The following EPHA8 variants were observed in gnomAD, a reference collection of about 807,000 sequenced individuals.
The protein encoded by EPHA8 is ephrin type-A receptor 8.
In EPHA8, 58 loss-of-function variants were observed where a neutral mutation model predicts 103.6. The ratio of observed to expected loss-of-function variants is 0.56; its 90% CI spans 0.45 to 0.70. The LOEUF (loss-of-function observed/expected upper bound fraction) is 0.70. Ranked by LOEUF, EPHA8 falls within the 30% of genes least tolerant of loss-of-function variation. The pLI is 0.00. For synonymous variants in EPHA8, 559 were observed against 572.5 expected, an observed-to-expected ratio of 0.98 and a Z score of 0.34; for missense variants, 1,304 against 1,395.2, an observed-to-expected ratio of 0.93 and a Z score of 1.04.
chr1:22,586,780 T>TGGGGGGG, intron 4 of EPHA8, 145 bp downstream of exon 4: 1 of 923,622 alleles, frequency 1.1e-6, no homozygotes, highest in African/African-American at 1.8e-5. Flanking sequence ...CAGTCTGAGG[T>TGGGGGGG]GGGGGGGGTG....
chr1:22,598,584 G>A lies in EPHA8; in HGVS notation c.2179-254G>A, dbSNP rs530669272. ...CTTAGGCACAGAGCTTAACCTCTCTGGGCCTCCATCTCTCGTTCCACAAAA... is the reference window on the plus strand; with the variant it reads ...CTTAGGCACAGAGCTTAACCTCTCTAGGCCTCCATCTCTCGTTCCACAAAA... On this transcript the variant is annotated intron_variant, in intron 12 of 16. Coordinates refer to ENST00000166244, the MANE Select transcript of EPHA8 (RefSeq NM_020526.5). The surrounding 1 kb of genome is among the most constrained non-coding windows in gnomAD (Gnocchi z 5.1). Among the ~76,000 whole-genome samples the A allele has an allele frequency of 6.6e-6, 1 of 152,078 alleles. No individual in the cohort carries two copies. Among genetic ancestry groups the A allele is most frequent in the Non-Finnish European group, 1.5e-5 (1 of 68,018 alleles).
Position 22,563,582 on chromosome 1 carries a change from A to C in EPHA8, c.-54A>C, listed in dbSNP as rs209737. ...CGCTCCCTCCCGACGCGCGGGCCGC[A>C]GCGGCCAAGCCCGAGGGTGCGTGGC... On this transcript the variant is annotated 5_prime_UTR_variant, in exon 1 of 17. Coordinates refer to ENST00000166244, the MANE Select transcript of EPHA8 (RefSeq NM_020526.5). The surrounding 1 kb of genome is among the most constrained non-coding windows in gnomAD (Gnocchi z 4.4). The C allele has an allele frequency of 0.35, 50,552 of 145,322 alleles. 10,515 individuals carry two copies. Among genetic ancestry groups the C allele is most frequent in the African/African-American group, 0.59 (23,878 of 40,276 alleles). The allele number at this position is 145,322 out of a possible 1,614,324, so 9.0% of individuals were successfully genotyped here.
intron 4 of EPHA8, among the ~76,000 whole-genome samples, chr1:22,586,842 C>G (rs1641226096): frequency 6.6e-6 from 1 of 152,168 alleles, no homozygotes; most frequent in Admixed American, 6.5e-5. Flanking sequence ...CAGCCTCTGT[C>G]CTGTGTCACC....
At chr1:22,581,252 T>C (rs1340579571) in intron 3 of EPHA8, among the ~76,000 whole-genome samples, 1 of 152,168 alleles carries the variant, frequency 6.6e-6, no homozygotes, top group African/African-American at 2.4e-5. Flanking sequence ...ACTTCCCTCC[T>C]CCCTGGGGTA....
chr1:22,565,540 C>A (rs1356007683), intron 1 of EPHA8, among the ~76,000 whole-genome samples: 1 of 152,156 alleles, frequency 6.6e-6, no homozygotes, highest in African/African-American at 2.4e-5. Context: ...GGCTCTGAGG[C>A]CCCTCCATCG....
At chr1:22,578,493 T>A (rs375585746) in intron 3 of EPHA8, among the ~76,000 whole-genome samples, 3 of 135,554 alleles carry the variant, frequency 2.2e-5, no homozygotes, top group South Asian at 5.0e-4. Context: ...TGTGTGCATG[T>A]GTGCATGAGT....
intron 1 of EPHA8, among the ~76,000 whole-genome samples, chr1:22,566,069 G>A (rs1420369399): frequency 6.6e-6 from 1 of 152,230 alleles, no homozygotes; most frequent in African/African-American, 2.4e-5. Flanking sequence ...CAGGACCTTA[G>A]CCTGGCCAAA....
intron 1 of EPHA8, among the ~76,000 whole-genome samples, chr1:22,564,174 A>T (rs1312259831): frequency 8.1e-6 from 1 of 123,468 alleles, no homozygotes; most frequent in African/African-American, 3.2e-5. Flanking sequence ...ATGGGGGAGG[A>T]GGTTCAGAGG....
rs1641556470 is a variant in EPHA8 at position 22,597,590 on chromosome 1, C to T, written c.1931-86C>T. 1 of 1,550,910 alleles carries T rather than the reference C, an allele frequency of 6.4e-7. No individual in the cohort carries two copies. The highest frequency in any genetic ancestry group is 1.4e-5 in the African/African-American group (1 of 73,458). ...CGTGTGACCCAGGGGTCTGGCAAGCCCAGGGGGTCCAAGGGCCTGGGAGGC... is the reference window on the plus strand; with the variant it reads ...CGTGTGACCCAGGGGTCTGGCAAGCTCAGGGGGTCCAAGGGCCTGGGAGGC... On this transcript the variant is annotated intron_variant, in intron 10 of 16. Coordinates refer to ENST00000166244, the MANE Select transcript of EPHA8 (RefSeq NM_020526.5). The surrounding 1 kb of genome is among the most constrained non-coding windows in gnomAD (Gnocchi z 4.6).
Position 22,598,804 on chromosome 1 carries a change from G to A in EPHA8, c.2179-34G>A. ...GTTCACGGACCAGGCGCCTCGCCGGGCTTTCCTGAAGTCCAAGCCATGTCC... is the reference window on the plus strand; with the variant it reads ...GTTCACGGACCAGGCGCCTCGCCGGACTTTCCTGAAGTCCAAGCCATGTCC... On this transcript the variant is annotated intron_variant, in intron 12 of 16. Transcript: ENST00000166244. The surrounding 1 kb of genome is among the most constrained non-coding windows in gnomAD (Gnocchi z 5.1). The A allele has an allele frequency of 6.2e-7, 1 of 1,601,334 alleles. No homozygotes were observed. The highest frequency in any genetic ancestry group is 8.5e-7 in the Non-Finnish European group (1 of 1,171,976).
Position 22,576,128 on chromosome 1 carries a change from C to T in EPHA8, c.160-89C>T, listed in dbSNP as rs752987309. The T allele has an allele frequency of 8.3e-6, 12 of 1,448,598 alleles. No homozygotes were observed. The highest frequency in any genetic ancestry group is 1.1e-5 in the Non-Finnish European group (12 of 1,077,090). 89.7% of individuals were successfully genotyped at this position (1,448,598 alleles called of 1,614,324 possible). ...CCAGCTCCTTTGTCTTTTTTTTTGC[C>T]AGCGTCCCCAGCACAGAACACAGGG... On this transcript the variant is annotated intron_variant, in intron 2 of 16. Transcript: ENST00000166244. This position sits in a 1 kb window ranked among gnomAD's most constrained non-coding sequence, Gnocchi z 4.8.
rs189385945 is a variant in EPHA8, at chr1:22,579,047, A to G, written c.823+2167A>G. On this transcript the variant is annotated intron_variant, in intron 3 of 16. Transcript: ENST00000166244. Reference sequence around the variant, plus strand: ...CAAGAGTATGTATGCATGTGTGTGCATTTGTGCATGTATGTATGCATGTGT... The same window carrying G: ...CAAGAGTATGTATGCATGTGTGTGCGTTTGTGCATGTATGTATGCATGTGT... 6.8e-4 allele frequency among the ~76,000 whole-genome samples: 93 copies of G among 137,444 alleles called. 2 individuals carry two copies. The highest frequency in any genetic ancestry group is 2.4e-4 in the Non-Finnish European group (15 of 63,536). The allele number at this position is 137,444 out of a possible 152,430, so 90.2% of individuals were successfully genotyped here.
chr1:22,572,361 C>T (rs1640565226), intron 2 of EPHA8, among the ~76,000 whole-genome samples: 1 of 152,210 alleles, frequency 6.6e-6, no homozygotes, highest in Non-Finnish European at 1.5e-5. Flanking sequence ...CTGTGCAGTG[C>T]CATCATTGGG....
Position 22,588,878 on chromosome 1 carries a change from C to T in EPHA8, c.987C>T (p.Pro329=), listed in dbSNP as rs1039820156. ...DPPSSACTRP[P]SAPVNLISSV... is the part of the protein sequence containing the mutation. ...GTCATCCTCTGCCCTCAGGGCCACC[C>T]TCGGCACCAGTGAACCTGATCTCCA... Residue 329 remains proline, a synonymous_variant, in exon 5 of 17, where the codon CCC becomes CCT. Transcript: ENST00000166244. The T allele has an allele frequency of 2.5e-6, 4 of 1,584,226 alleles. No homozygotes were observed. Among genetic ancestry groups the T allele is most frequent in the Non-Finnish European group, 2.6e-6 (3 of 1,166,746 alleles).
chr1:22,590,057 A>G (rs1017693280), intron 5 of EPHA8, among the ~76,000 whole-genome samples: 4 of 152,198 alleles, frequency 2.6e-5, no homozygotes, highest in Non-Finnish European at 5.9e-5. Context: ...CCCACTCTGA[A>G]TCTAGGGCAT....
chr1:22,601,373 G>A lies in EPHA8; in HGVS notation c.2803G>A (p.Val935Met), dbSNP rs1019169249. 32 of 1,610,328 alleles carry A rather than the reference G, an allele frequency of 2.0e-5. No individual in the cohort carries two copies. Among genetic ancestry groups the A allele is most frequent in the Non-Finnish European group, 2.3e-5 (27 of 1,179,354 alleles). Reference protein sequence around the residue: ...GGSGGGGGLTVGDWLDSIRMG... With the variant: ...GGSGGGGGLTMGDWLDSIRMG... ...CAGCGGTGGCGGTGGGGGCCTCACC[G>A]TGGGGGACTGGCTGGACTCCATCCG... is the stretch of plus-strand genomic sequence containing the variant. Residue 935 changes from valine to methionine, a missense_variant, in exon 16 of 17, where the codon GTG becomes ATG. Coordinates refer to ENST00000166244, the MANE Select transcript of EPHA8 (RefSeq NM_020526.5).
At chr1:22,595,491 C>T (rs891523712) in intron 8 of EPHA8, among the ~76,000 whole-genome samples, 168 bp downstream of exon 8, 2 of 152,194 alleles carry the variant, frequency 1.3e-5, no homozygotes, top group Non-Finnish European at 2.9e-5. Context: ...GAGATTCTGA[C>T]CTCACTTTGC....
At chr1:22,578,527 G>A (rs1277595291) in intron 3 of EPHA8, among the ~76,000 whole-genome samples, 1 of 136,968 alleles carries the variant, frequency 7.3e-6, no homozygotes, top group African/African-American at 2.7e-5. Context: ...ATGCATGTGT[G>A]CATATGCGTG....
chr1:22,597,274 T>A lies in EPHA8; in HGVS notation c.1766-38T>A. The A allele has an allele frequency of 1.3e-6, 2 of 1,552,298 alleles. No homozygotes were observed. Among genetic ancestry groups the A allele is most frequent in the Non-Finnish European group, 1.8e-6 (2 of 1,136,272 alleles). ...GGGAATGTCAGGAAAAAGCAATCTC[T>A]CCTGGGCCCCACTGAAGGCCCTCCT... On this transcript the variant is annotated intron_variant, in intron 9 of 16. Coordinates refer to ENST00000166244, the MANE Select transcript of EPHA8 (RefSeq NM_020526.5). This position sits in a 1 kb window ranked among gnomAD's most constrained non-coding sequence, Gnocchi z 4.6.
Sources: allele counts gnomAD v4.1 joint callset (sites outside exome capture counted in the v4.1 genomes callset), GRCh38; gene constraint gnomAD v4.1.1; non-coding constraint Gnocchi (gnomAD v3.1); transcripts MANE v1.5; gene names NCBI Gene and HGNC (gene_info 2026-07-23, HGNC 2026-07-21).